MYO16: variants seen among roughly 807,000 people sequenced by gnomAD.
MYO16 encodes myosin XVI, also known as unconventional myosin-XVI.
A neutral mutation model predicts 205.3 loss-of-function variants in MYO16; 94 were observed. The observed-to-expected ratio is 0.46, with a 90% CI of 0.39 to 0.54. The LOEUF is 0.54. Among genes scored for constraint, MYO16 ranks in the 20% least tolerant of loss-of-function variants. The pLI, the probability that MYO16 is intolerant of heterozygous loss-of-function variation, is 0.00. For missense variants in MYO16, 2,315 were observed against 2,387.5 expected (o/e 0.97, Z 0.63); for synonymous variants, 988 against 954.0 (o/e 1.04, Z -0.66).
At chr13:108,820,312 A>G (rs746380247) in intron 7 of MYO16, 25 bp from the exon 8 acceptor site, 7 of 1,546,454 alleles carry the variant, frequency 4.5e-6, no homozygotes, top group South Asian at 1.2e-5. Context: ...GGTGGTTCCC[A>G]TTTCAATTAT....
intron 33 of MYO16, among the ~76,000 whole-genome samples, chr13:109,172,659 A>C (rs1878968581): frequency 6.6e-6 from 1 of 152,360 alleles, no homozygotes; most frequent in Non-Finnish European, 1.5e-5. Context: ...AAAAATGGGA[A>C]TAATAAGAGC....
At chr13:108,624,619 T>A (rs1170566510), upstream of MYO16, among the ~76,000 whole-genome samples, 1 of 152,216 alleles carries the variant, frequency 6.6e-6, no homozygotes, top group African/African-American at 2.4e-5. Context: ...CGGATTCAAG[T>A]GAAAAACCTT....
At chr13:108,806,566 C>G (rs1323290754) in intron 6 of MYO16, 113 bp from the exon 7 acceptor site, 1 of 809,134 alleles carries the variant, frequency 1.2e-6, no homozygotes, top group Non-Finnish European at 1.9e-6. Flanking sequence ...TTTTTATGGT[C>G]TCTGTATTTT....
At chr13:109,092,659 A>G (rs1008962883) in intron 27 of MYO16, among the ~76,000 whole-genome samples, 1 of 152,190 alleles carries the variant, frequency 6.6e-6, no homozygotes, top group Non-Finnish European at 1.5e-5. Flanking sequence ...AATAGGTACA[A>G]CAAACCCCCT....
chr13:108,633,918 C>T (rs117927735), intron 1 of MYO16, among the ~76,000 whole-genome samples: 4 of 152,268 alleles, frequency 2.6e-5, no homozygotes, highest in East Asian at 3.9e-4. Context: ...TCCTGCTCTC[C>T]GCCTGGTCCA....
the MYO16 span, among the ~76,000 whole-genome samples, chr13:108,525,101 C>A: frequency 6.6e-6 from 1 of 152,258 alleles, no homozygotes; most frequent in Admixed American, 6.5e-5. Context: ...AACACACAGA[C>A]TTTACCTCTG....
intron 27 of MYO16, among the ~76,000 whole-genome samples, chr13:109,076,893 A>C (rs983916409): frequency 6.6e-6 from 1 of 152,108 alleles, no homozygotes; most frequent in Non-Finnish European, 1.5e-5. Flanking sequence ...TTCTCTCTAT[A>C]TATTTTAACA....
chr13:108,660,359 G>T (rs1292349812), intron 1 of MYO16, among the ~76,000 whole-genome samples: 2 of 152,128 alleles, frequency 1.3e-5, no homozygotes, highest in African/African-American at 4.8e-5. Context: ...GACCTGTCTA[G>T]TGCTGTCAAT....
rs183406596 is a variant in MYO16, at chr13:108,760,046, T to C, written c.508-25589T>C. On this transcript the variant is annotated intron_variant, in intron 4 of 34. Transcript: ENST00000457511. ...GGGTATCTGTCACCTCAAACATTTA[T>C]CTTTTATTGTGTGGGGGAGATTGAA... 3.1e-3 allele frequency among the ~76,000 whole-genome samples: 465 copies of C among 152,312 alleles called. 3 individuals are homozygous for C. The highest frequency in any genetic ancestry group is 0.01 in the African/African-American group (436 of 41,572).
At chr13:108,703,487 C>A (rs552159293) in intron 2 of MYO16, among the ~76,000 whole-genome samples, 7 of 152,144 alleles carry the variant, frequency 4.6e-5, no homozygotes, top group Admixed American at 2.6e-4. Flanking sequence ...TATTTCAGTA[C>A]CTTTCACAGC....
At position 108,707,441 on chromosome 13, in the gene MYO16, T is replaced by A. The variant is rs116952470; in HGVS notation, c.293-5220T>A. Among the ~76,000 whole-genome samples the A allele has an allele frequency of 1.6e-3, 238 of 152,258 alleles. 2 individuals are homozygous for A. Among genetic ancestry groups the A allele is most frequent in the East Asian group, 6.8e-3 (35 of 5,178 alleles). On this transcript the variant is annotated intron_variant, in intron 2 of 34. Coordinates refer to ENST00000457511, the MANE Select transcript of MYO16 (RefSeq NM_001198950.3). ...TATCTTTACGAAGTTTGGGTAAGGA[T>A]CTTAAGCATAGTGAGGGTCGAGGGT... is the stretch of plus-strand genomic sequence containing the variant.
chr13:108,750,643 A>G (rs1368261856), intron 4 of MYO16, among the ~76,000 whole-genome samples: 1 of 151,728 alleles, frequency 6.6e-6, no homozygotes, highest in African/African-American at 2.4e-5. Context: ...AAAGAAAGAA[A>G]AGAAAAAAAG....
intron 29 of MYO16, among the ~76,000 whole-genome samples, chr13:109,121,262 T>C (rs1875977495): frequency 6.6e-6 from 1 of 152,104 alleles, no homozygotes; most frequent in South Asian, 2.1e-4. Context: ...CCTACTCAGG[T>C]TGCCTCTGGG....
At position 108,928,349 on chromosome 13, in the gene MYO16, T is replaced by C. The variant is rs545645189; in HGVS notation, c.1925+18199T>C. Among the ~76,000 whole-genome samples, 15 of 152,348 alleles carry C rather than the reference T, an allele frequency of 9.8e-5. No individual in the cohort carries two copies. The East Asian group carries it at 2.7e-3, about 27-fold the overall frequency. On this transcript the variant is annotated intron_variant, in intron 16 of 34. Transcript: ENST00000457511. Reference sequence around the variant, plus strand: ...ATGGTTACGGCACTGTGTCATTATATTACATGATGTAGTCTATTAGCTAGG... The same window carrying C: ...ATGGTTACGGCACTGTGTCATTATACTACATGATGTAGTCTATTAGCTAGG...
At chr13:108,607,381 G>T (rs538454969) in intron 1 of MYO16, among the ~76,000 whole-genome samples, 1 of 152,240 alleles carries the variant, frequency 6.6e-6, no homozygotes, top group East Asian at 1.9e-4. Flanking sequence ...GACCATGTGG[G>T]AGGTGATTAG....
chr13:109,190,590 C>T (rs148461529), intron 34 of MYO16, among the ~76,000 whole-genome samples: 1 of 152,170 alleles, frequency 6.6e-6, no homozygotes, highest in African/African-American at 2.4e-5. Flanking sequence ...ATATTATTCC[C>T]TAACTTTATT....
At chr13:108,621,742 C>T (rs541345447) in intron 1 of MYO16, among the ~76,000 whole-genome samples, 2 of 152,182 alleles carry the variant, frequency 1.3e-5, no homozygotes, top group East Asian at 3.9e-4. Flanking sequence ...TCACATCAGG[C>T]ATCAGTAGGC....
chr13:108,813,884 T>C (rs909690063), intron 7 of MYO16, among the ~76,000 whole-genome samples: 1 of 152,168 alleles, frequency 6.6e-6, no homozygotes, highest in Non-Finnish European at 1.5e-5. Context: ...AGTAGAGTAA[T>C]TGGAATTAGC....
intron 16 of MYO16, among the ~76,000 whole-genome samples, chr13:108,927,807 C>T (rs571231701): frequency 1.7e-3 from 262 of 152,260 alleles, no homozygotes; most frequent in Non-Finnish European, 2.5e-3. Flanking sequence ...GCCCTCTCCA[C>T]GGATAAGGAA....
Sources: gnomAD v4.1 joint callset for allele counts (sites outside exome capture counted in the v4.1 genomes callset) on GRCh38, gnomAD v4.1.1 for gene constraint, MANE v1.5 for transcripts, NCBI Gene and HGNC (gene_info 2026-07-23, HGNC 2026-07-21) for gene names.